The following CPNE4 variants were observed in gnomAD, a reference collection of about 807,000 sequenced individuals.
The protein encoded by CPNE4 is copine-4.
In CPNE4, 25 loss-of-function variants were observed where a neutral mutation model predicts 67.9. The ratio of observed to expected loss-of-function variants is 0.37; its 90% CI spans 0.27 to 0.51. The LOEUF (loss-of-function observed/expected upper bound fraction) is 0.51. Among genes scored for constraint, CPNE4 ranks in the 20% least tolerant of loss-of-function variants. The pLI, the probability that CPNE4 is intolerant of heterozygous loss-of-function variation, is 0.93. For missense variants in CPNE4, 464 were observed against 690.8 expected (o/e 0.67, Z 3.68); for synonymous variants, 242 against 244.9 (o/e 0.99, Z 0.11).
At chr3:131,631,880 C>T (rs866031415) in intron 7 of CPNE4, among the ~76,000 whole-genome samples, 3 of 150,360 alleles carry the variant, frequency 2.0e-5, no homozygotes, top group South Asian at 4.2e-4. Context: ...ATTATCCCCC[C>T]TCCCCAACAC....
intron 12 of CPNE4, among the ~76,000 whole-genome samples, chr3:131,552,723 T>C (rs555577407): frequency 1.3e-4 from 20 of 152,066 alleles, no homozygotes; most frequent in Non-Finnish European, 2.8e-4. Context: ...AGATAAATGC[T>C]GTCAGGAGGG....
intron 2 of CPNE4, among the ~76,000 whole-genome samples, chr3:131,796,332 C>A (rs1429788522): frequency 6.6e-6 from 1 of 152,128 alleles, no homozygotes; most frequent in Non-Finnish European, 1.5e-5. Context: ...CCCTTTTTAT[C>A]AAACTTGCTG....
intron 2 of CPNE4, among the ~76,000 whole-genome samples, chr3:131,806,475 G>A (rs529747843): frequency 9.3e-5 from 14 of 151,204 alleles, no homozygotes; most frequent in South Asian, 2.1e-4. Context: ...GCATGAACCC[G>A]GGAGGCGGTG....
chr3:131,758,891 A>T (rs528738392), intron 2 of CPNE4, among the ~76,000 whole-genome samples: 1 of 152,258 alleles, frequency 6.6e-6, no homozygotes, highest in East Asian at 1.9e-4. Context: ...CCATGTAAGA[A>T]GTGCCTTTTG....
intron 1 of CPNE4, among the ~76,000 whole-genome samples, chr3:131,908,444 A>G (rs883370): frequency 0.51 from 76,933 of 151,836 alleles, 20,093 homozygotes; most frequent in East Asian, 0.66. Flanking sequence ...AACTGATAAG[A>G]ACAGCTTATT....
At chr3:132,033,302 A>G (rs1421853183) in intron 1 of CPNE4, among the ~76,000 whole-genome samples, 1 of 152,212 alleles carries the variant, frequency 6.6e-6, no homozygotes, top group African/African-American at 2.4e-5. Flanking sequence ...GAGGATGAAG[A>G]GTTGGTTTTG....
chr3:131,568,286 C>T (rs963773645), intron 10 of CPNE4, among the ~76,000 whole-genome samples: 2 of 151,788 alleles, frequency 1.3e-5, no homozygotes, highest in Non-Finnish European at 2.9e-5. Flanking sequence ...GGTCTTCCAC[C>T]AAGAATTCTC....
chr3:132,000,750 T>A (rs578189953), intron 1 of CPNE4, among the ~76,000 whole-genome samples: 84 of 151,626 alleles, frequency 5.5e-4, no homozygotes, highest in African/African-American at 1.9e-3. Flanking sequence ...AGTAGCATTT[T>A]AAATACATTA....
chr3:131,782,457 G>A (rs112263626), intron 2 of CPNE4, among the ~76,000 whole-genome samples: 12 of 149,180 alleles, frequency 8.0e-5, no homozygotes, highest in Admixed American at 6.2e-4. Flanking sequence ...TTATTTCATC[G>A]ATTTAAAGTA....
intron 2 of CPNE4, among the ~76,000 whole-genome samples, chr3:131,868,834 T>G (rs922987005): frequency 1.3e-5 from 2 of 152,136 alleles, no homozygotes; most frequent in East Asian, 1.9e-4. Flanking sequence ...GTCCTCCACA[T>G]AGAAAAACAT....
chr3:131,904,004 A>G (rs1197737795), intron 2 of CPNE4, among the ~76,000 whole-genome samples: 1 of 152,042 alleles, frequency 6.6e-6, no homozygotes, highest in Non-Finnish European at 1.5e-5. Flanking sequence ...CCCAGAATAA[A>G]CTTTTTGTAA....
intron 3 of CPNE4, among the ~76,000 whole-genome samples, 164 bp downstream of exon 3, chr3:131,723,282 A>G (rs2081930856): frequency 6.6e-6 from 1 of 152,202 alleles, no homozygotes; most frequent in Non-Finnish European, 1.5e-5. Flanking sequence ...CTCTACATAA[A>G]CATAATGGAT....
chr3:131,774,167 A>G (rs2083238119), intron 2 of CPNE4, among the ~76,000 whole-genome samples: 1 of 152,142 alleles, frequency 6.6e-6, no homozygotes, highest in African/African-American at 2.4e-5. Context: ...GGGTCCTCAT[A>G]GAAGCTGGGG....
intron 15 of CPNE4, among the ~76,000 whole-genome samples, chr3:131,540,849 G>GTCTT (rs111882787): frequency 0.039 from 5,988 of 152,252 alleles, 281 homozygotes; most frequent in African/African-American, 0.11. Flanking sequence ...TCCAGCAGGG[G>GTCTT]TCTTTGAGAT....
intron 2 of CPNE4, among the ~76,000 whole-genome samples, chr3:131,726,336 C>G (rs1204743370): frequency 6.6e-6 from 1 of 152,170 alleles, no homozygotes; most frequent in Non-Finnish European, 1.5e-5. Context: ...GCTGCCAGCA[C>G]TGAGTGACTT....
intron 3 of CPNE4, among the ~76,000 whole-genome samples, chr3:131,720,368 T>G (rs1035593839): frequency 1.4e-5 from 2 of 142,024 alleles, no homozygotes; most frequent in African/African-American, 5.3e-5. Flanking sequence ...CAATGCAACC[T>G]CTGCCTCCTG....
intron 2 of CPNE4, among the ~76,000 whole-genome samples, chr3:131,876,171 G>A (rs1252665675): frequency 6.6e-6 from 1 of 151,464 alleles, no homozygotes; most frequent in African/African-American, 2.4e-5. Context: ...CCCAGGAGGC[G>A]GAGGTTACAG....
intron 5 of CPNE4, among the ~76,000 whole-genome samples, chr3:131,686,382 C>T (rs1446671080): frequency 6.6e-6 from 1 of 152,178 alleles, no homozygotes; most frequent in African/African-American, 2.4e-5. Flanking sequence ...TCTGGATCAC[C>T]TATAGGTCTA....
intron 2 of CPNE4, among the ~76,000 whole-genome samples, chr3:131,829,037 G>T (rs1219956548): frequency 6.6e-6 from 1 of 152,202 alleles, no homozygotes; most frequent in Non-Finnish European, 1.5e-5. Context: ...GTGATGGAAG[G>T]TGAGGAGGAG....
Sources: gnomAD v4.1 joint callset for allele counts (sites outside exome capture counted in the v4.1 genomes callset) on GRCh38, gnomAD v4.1.1 for gene constraint, MANE v1.5 for transcripts, NCBI Gene and HGNC (gene_info 2026-07-23, HGNC 2026-07-21) for gene names.